The following FAAH2 variants were observed in gnomAD, a reference collection of about 807,000 sequenced individuals.
FAAH2 encodes fatty-acid amide hydrolase 2.
A neutral mutation model predicts 36.9 loss-of-function variants in FAAH2; 60 were observed. That is an observed-to-expected ratio of 1.63 (90% CI 1.32 to 2.02). The LOEUF (loss-of-function observed/expected upper bound fraction) is 2.02, where lower values mean the gene tolerates loss of function less well. Ranked by LOEUF, FAAH2 falls within the 30% of genes most tolerant of loss-of-function variation. The pLI, the probability that FAAH2 is intolerant of heterozygous loss-of-function variation, is 0.00. For missense variants in FAAH2, 689 were observed against 397.5 expected, an observed-to-expected ratio of 1.73 and a Z score of -6.23; for synonymous variants, 214 against 143.8, an observed-to-expected ratio of 1.49 and a Z score of -3.49.
At chrX:57,159,593 T>G in the FAAH2 span, among the ~76,000 whole-genome samples, 1 of 111,264 alleles carries the variant, frequency 9.0e-6, no homozygotes, top group Non-Finnish European at 1.9e-5. Flanking sequence ...TTTTATTCTC[T>G]TTGAAGCAAT....
intron 6 of FAAH2, among the ~76,000 whole-genome samples, chrX:57,379,890 G>A (rs1243129854): frequency 2.9e-5 from 3 of 104,731 alleles, no homozygotes; most frequent in Non-Finnish European, 5.8e-5. Flanking sequence ...CATTATAACT[G>A]GTGGCAATAT....
intron 8 of FAAH2, among the ~76,000 whole-genome samples, chrX:57,440,351 C>A (rs930853434): frequency 1.8e-5 from 2 of 111,012 alleles, no homozygotes; most frequent in African/African-American, 6.6e-5. Flanking sequence ...ATATTTTATT[C>A]TCTTTGAAAC....
the FAAH2 span, among the ~76,000 whole-genome samples, chrX:57,206,414 A>T: frequency 8.9e-6 from 1 of 112,095 alleles, no homozygotes; most frequent in Non-Finnish European, 1.9e-5. Flanking sequence ...TAATTAAACC[A>T]GTGTGAGAAA....
intron 5 of FAAH2, among the ~76,000 whole-genome samples, chrX:57,352,264 C>G (rs939271802): frequency 9.7e-6 from 1 of 103,192 alleles, no homozygotes; most frequent in Non-Finnish European, 2.0e-5. Context: ...AGACCACATA[C>G]TATGATTAAG....
the FAAH2 span, among the ~76,000 whole-genome samples, chrX:57,255,054 G>C: frequency 9.0e-6 from 1 of 110,821 alleles, no homozygotes; most frequent in Non-Finnish European, 1.9e-5. Context: ...GAAGAAAAGA[G>C]GGAATAATCA....
intron 7 of FAAH2, 45 bp downstream of exon 7, chrX:57,381,074 A>T (rs1394156796): frequency 2.0e-6 from 2 of 980,633 alleles, no homozygotes; most frequent in Non-Finnish European, 2.9e-6. Context: ...TTAGTCAAAG[A>T]GATATCCTTC....
the FAAH2 span, among the ~76,000 whole-genome samples, chrX:57,157,843 TTC>T: frequency 1.8e-5 from 2 of 111,204 alleles, no homozygotes; most frequent in African/African-American, 6.5e-5. Flanking sequence ...TCTCTTGAAC[TTC>T]TTTCTTTCTT....
At chrX:57,204,103 G>A in the FAAH2 span, among the ~76,000 whole-genome samples, 2 of 110,959 alleles carry the variant, frequency 1.8e-5, no homozygotes, top group African/African-American at 3.3e-5. Context: ...TCTCCTTAGG[G>A]GACAAATCCA....
At chrX:57,463,790 T>C (rs778612329) in intron 10 of FAAH2, among the ~76,000 whole-genome samples, 1 of 111,694 alleles carries the variant, frequency 9.0e-6, no homozygotes, top group East Asian at 2.8e-4. Flanking sequence ...TAGGAATGCT[T>C]TTACACTGAT....
At chrX:57,367,391 A>C (rs185619343) in intron 5 of FAAH2, among the ~76,000 whole-genome samples, 4 of 112,549 alleles carry the variant, frequency 3.6e-5, no homozygotes, top group Middle Eastern at 4.6e-3. Flanking sequence ...ACTAAATTGC[A>C]CTGCTAGTCA....
the FAAH2 span, among the ~76,000 whole-genome samples, chrX:57,193,961 A>G: frequency 6.3e-5 from 7 of 111,317 alleles, no homozygotes; most frequent in Non-Finnish European, 1.3e-4. Flanking sequence ...ATTAATCAGA[A>G]ATATTGACCT....
chrX:57,324,095 G>A (rs1193444936), intron 3 of FAAH2, among the ~76,000 whole-genome samples: 1 of 111,761 alleles, frequency 8.9e-6, no homozygotes, highest in Non-Finnish European at 1.9e-5. Context: ...TATTAAATAG[G>A]GAATCCTTTC....
chrX:57,189,202 C>T, the FAAH2 span, among the ~76,000 whole-genome samples: 1 of 110,782 alleles, frequency 9.0e-6, no homozygotes, highest in South Asian at 3.9e-4. Flanking sequence ...GTGTAGGCTT[C>T]ATGACATTCT....
the FAAH2 span, among the ~76,000 whole-genome samples, chrX:57,252,952 A>C: frequency 8.9e-6 from 1 of 112,003 alleles, no homozygotes; most frequent in Non-Finnish European, 1.9e-5. Context: ...GAAGGTCGGT[A>C]ATCACAAACT....
chrX:57,162,872 A>G, the FAAH2 span, among the ~76,000 whole-genome samples: 6 of 112,836 alleles, frequency 5.3e-5, no homozygotes, highest in Non-Finnish European at 9.4e-5. Context: ...GTCAAAGTCA[A>G]TCTCCATCCA....
intron 1 of FAAH2, among the ~76,000 whole-genome samples, chrX:57,287,363 TTCTC>T (rs1346500005): frequency 1.8e-5 from 2 of 110,762 alleles, no homozygotes; most frequent in Admixed American, 9.6e-5. Context: ...CCCTCTCCCT[TTCTC>T]TCTCTCTATT....
the FAAH2 span, among the ~76,000 whole-genome samples, chrX:57,255,602 G>T: frequency 8.9e-6 from 1 of 111,820 alleles, no homozygotes; most frequent in African/African-American, 3.3e-5. Context: ...TCATTCCTGG[G>T]ATGCAAGGTT....
At chrX:57,272,336 G>T in the FAAH2 span, among the ~76,000 whole-genome samples, 1 of 111,375 alleles carries the variant, frequency 9.0e-6, no homozygotes, top group Non-Finnish European at 1.9e-5. Context: ...CACTCTTCAG[G>T]ATATTATCCA....
intron 3 of FAAH2, among the ~76,000 whole-genome samples, chrX:57,330,180 T>C (rs1226175644): frequency 9.0e-6 from 1 of 111,156 alleles, no homozygotes; most frequent in African/African-American, 3.3e-5. Context: ...TGGAACAGAG[T>C]CATATTTCTC....
Sources: allele counts gnomAD v4.1 joint callset (sites outside exome capture counted in the v4.1 genomes callset), GRCh38; gene constraint gnomAD v4.1.1; transcripts MANE v1.5; gene names NCBI Gene and HGNC (gene_info 2026-07-23, HGNC 2026-07-21).